Variants in KLRG1 observed in about 807,000 individuals in gnomAD.
KLRG1 encodes killer cell lectin-like receptor subfamily G member 1.
A neutral mutation model predicts 21.8 loss-of-function variants in KLRG1; 16 were observed. That is an observed-to-expected ratio of 0.73 (90% CI 0.50 to 1.11). KLRG1 has a LOEUF of 1.11. KLRG1 is among the 50% of genes most tolerant of loss of function. KLRG1 has a pLI of 0.00. For synonymous variants in KLRG1, 69 were observed against 75.9 expected (o/e 0.91, Z 0.47); for missense variants, 173 against 218.3 (o/e 0.79, Z 1.31).
chr12:8,956,534 C>G (rs1946297383), intron 1 of KLRG1, among the ~76,000 whole-genome samples: 1 of 152,114 alleles, frequency 6.6e-6, no homozygotes, highest in Non-Finnish European at 1.5e-5. Flanking sequence ...AACTTACTGC[C>G]TCCCAGGTTC....
At chr12:9,191,801 A>T in the KLRG1 span, among the ~76,000 whole-genome samples, 1 of 152,172 alleles carries the variant, frequency 6.6e-6, no homozygotes, top group South Asian at 2.1e-4. Context: ...AAGAAAAAAA[A>T]ATCTATCACC....
At chr12:8,992,365 A>G (rs957544072) in intron 2 of KLRG1, 55 bp downstream of exon 2, 9 of 1,248,784 alleles carry the variant, frequency 7.2e-6, no homozygotes, top group Middle Eastern at 1.9e-4. Flanking sequence ...TAAAAGCAAT[A>G]TAACATAGCA....
At chr12:9,127,473 G>T in the KLRG1 span, among the ~76,000 whole-genome samples, 1 of 152,164 alleles carries the variant, frequency 6.6e-6, no homozygotes, top group South Asian at 2.1e-4. Context: ...TAAAATTTCC[G>T]ATTCCTCCTG....
At chr12:9,021,810 G>A in the KLRG1 span, among the ~76,000 whole-genome samples, 1 of 152,096 alleles carries the variant, frequency 6.6e-6, no homozygotes, top group Non-Finnish European at 1.5e-5. Flanking sequence ...CCACTGGAAG[G>A]CCTTCTTCGG....
chr12:9,003,242 G>A (rs753131550), intron 3 of KLRG1, among the ~76,000 whole-genome samples: 17 of 152,006 alleles, frequency 1.1e-4, no homozygotes, highest in Non-Finnish European at 2.2e-4. Flanking sequence ...ATTAGCTGCC[G>A]TTCCTCCTCT....
the KLRG1 span, among the ~76,000 whole-genome samples, chr12:9,053,870 C>T: frequency 6.6e-6 from 1 of 152,172 alleles, no homozygotes; most frequent in Admixed American, 6.5e-5. Flanking sequence ...TGAAGGACCC[C>T]ATAGGAGCTG....
chr12:9,098,860 G>A, the KLRG1 span: 1 of 1,310,172 alleles, frequency 7.6e-7, no homozygotes, highest in South Asian at 1.5e-5. Flanking sequence ...TAACCACTCT[G>A]CTTGACTTCG....
At chr12:9,020,759 CT>C in the KLRG1 span, among the ~76,000 whole-genome samples, 1 of 152,136 alleles carries the variant, frequency 6.6e-6, no homozygotes, top group Non-Finnish European at 1.5e-5. Context: ...CATAGTCTTT[CT>C]TTTTTCTTGG....
chr12:9,132,613 C>A, the KLRG1 span, among the ~76,000 whole-genome samples: 2 of 152,000 alleles, frequency 1.3e-5, no homozygotes, highest in African/African-American at 4.8e-5. Context: ...ATTCAGGGGG[C>A]TAATTCAGTG....
the KLRG1 span, chr12:9,200,429 G>A: frequency 1.2e-6 from 2 of 1,610,370 alleles, no homozygotes; most frequent in South Asian, 2.2e-5. Flanking sequence ...CCTGAACTTT[G>A]ACCTCAAACT....
At chr12:9,111,460 G>A in the KLRG1 span, 1 of 453,268 alleles carries the variant, frequency 2.2e-6, no homozygotes, top group Non-Finnish European at 4.4e-6. Flanking sequence ...ATCTTATTTA[G>A]AGATGACATT....
At chr12:8,996,892 T>C (rs1331867214) in intron 3 of KLRG1, among the ~76,000 whole-genome samples, 1 of 152,154 alleles carries the variant, frequency 6.6e-6, no homozygotes, top group Non-Finnish European at 1.5e-5. Context: ...ACTTGAAACA[T>C]TGAGGGCAAA....
At chr12:9,200,893 A>G in the KLRG1 span, 2 of 1,611,350 alleles carry the variant, frequency 1.2e-6, no homozygotes. Context: ...AATCCATACC[A>G]AATTCCTCCA....
chr12:9,209,854 A>G, the KLRG1 span, among the ~76,000 whole-genome samples: 3 of 152,132 alleles, frequency 2.0e-5, no homozygotes, highest in African/African-American at 7.2e-5. Flanking sequence ...CATCACTATT[A>G]TGGTTTTAAG....
the KLRG1 span, among the ~76,000 whole-genome samples, chr12:9,087,930 A>G: frequency 6.6e-6 from 1 of 152,116 alleles, no homozygotes; most frequent in Non-Finnish European, 1.5e-5. Context: ...TAACTAACTA[A>G]TTTTTTAAAG....
the KLRG1 span, among the ~76,000 whole-genome samples, chr12:9,137,083 A>G: frequency 6.6e-6 from 1 of 152,318 alleles, no homozygotes; most frequent in Non-Finnish European, 1.5e-5. Flanking sequence ...TTTTGGTGTC[A>G]TATCCAAGAA....
At chr12:9,171,289 A>G in the KLRG1 span, among the ~76,000 whole-genome samples, 1 of 152,186 alleles carries the variant, frequency 6.6e-6, no homozygotes, top group African/African-American at 2.4e-5. Flanking sequence ...GCTAAAAGAA[A>G]AACAAACAAA....
At chr12:9,170,881 C>T in the KLRG1 span, among the ~76,000 whole-genome samples, 12,434 of 152,170 alleles carry the variant, frequency 0.082, 691 homozygotes, top group African/African-American at 0.16. This position sits in a 1 kb window ranked among gnomAD's most constrained non-coding sequence, Gnocchi z 4.6. Context: ...GCAGGGGTGT[C>T]TGCCATCTCT....
chr12:9,198,270 T>G, the KLRG1 span, among the ~76,000 whole-genome samples: 1 of 151,934 alleles, frequency 6.6e-6, no homozygotes, highest in Non-Finnish European at 1.5e-5. Context: ...GAGATTCACA[T>G]AAGCCCAGGA....
Sources: allele counts gnomAD v4.1 joint callset (sites outside exome capture counted in the v4.1 genomes callset), GRCh38; gene constraint gnomAD v4.1.1; non-coding constraint Gnocchi (gnomAD v3.1); transcripts MANE v1.5; gene names NCBI Gene and HGNC (gene_info 2026-07-23, HGNC 2026-07-21).